Variants in NSUN3 observed in about 807,000 individuals in gnomAD.
The protein encoded by NSUN3 is tRNA (cytosine(34)-C(5))-methyltransferase, mitochondrial.
Under a neutral mutation model 36.8 loss-of-function variants are expected in NSUN3, and 24 were observed. The observed-to-expected ratio is 0.65, with a 90% CI of 0.47 to 0.92. The LOEUF (loss-of-function observed/expected upper bound fraction) is 0.92. Among genes scored for constraint, NSUN3 ranks in the 40% least tolerant of loss-of-function variants. The probability of loss-of-function intolerance (pLI) is 0.00; values close to 1 mark genes in which losing one functional copy is unlikely to be tolerated. For synonymous variants in NSUN3, 146 were observed against 145.2 expected, an observed-to-expected ratio of 1.01 and a Z score of -0.04; for missense variants, 381 against 392.8, an observed-to-expected ratio of 0.97 and a Z score of 0.25.
intron 2 of NSUN3, among the ~76,000 whole-genome samples, chr3:94,080,318 G>C (rs1233341343): frequency 6.6e-6 from 1 of 152,184 alleles, no homozygotes; most frequent in Non-Finnish European, 1.5e-5. Flanking sequence ...ATGTCAGCCA[G>C]AGCTCTCCTG....
intron 2 of NSUN3, among the ~76,000 whole-genome samples, chr3:94,072,379 A>C (rs2077227670): frequency 6.6e-6 from 1 of 152,148 alleles, no homozygotes; most frequent in African/African-American, 2.4e-5. Flanking sequence ...TAACCTCTAA[A>C]ATAGGAGTAA....
intron 5 of NSUN3, among the ~76,000 whole-genome samples, chr3:94,101,903 G>A (rs922566428): frequency 2.0e-5 from 3 of 152,060 alleles, no homozygotes; most frequent in Non-Finnish European, 4.4e-5. Context: ...AAGTTTACAT[G>A]ATTTTTAGGT....
intron 5 of NSUN3, among the ~76,000 whole-genome samples, chr3:94,102,564 C>T (rs1380505571): frequency 1.3e-5 from 2 of 152,130 alleles, no homozygotes; most frequent in Non-Finnish European, 2.9e-5. Flanking sequence ...TCTGTTCTTT[C>T]TCCTCTGTAT....
At chr3:94,119,391 C>T (rs1302721343) in intron 5 of NSUN3, among the ~76,000 whole-genome samples, 1 of 152,136 alleles carries the variant, frequency 6.6e-6, no homozygotes, top group African/African-American at 2.4e-5. Flanking sequence ...GAGGCCACAA[C>T]ATGGTCTGGT....
chr3:94,102,875 A>AATTTATTT (rs957099298), intron 5 of NSUN3, among the ~76,000 whole-genome samples: 1 of 151,560 alleles, frequency 6.6e-6, no homozygotes, highest in Non-Finnish European at 1.5e-5. Flanking sequence ...TACTTTTTAA[A>AATTTATTT]ATTTATTTAT....
At position 94,068,196 on chromosome 3, in the gene NSUN3, A is replaced by G. The variant is rs1576079585; in HGVS notation, c.122+3650A>G. 2.0e-5 allele frequency among the ~76,000 whole-genome samples: 3 copies of G among 152,192 alleles called. No individual in the cohort carries two copies. The South Asian group carries it at 6.2e-4, about 32-fold the overall frequency. On this transcript the variant is annotated intron_variant, in intron 2 of 5. Transcript: ENST00000314622. ...ATAATCATTTGGGAAGATAAAATGA[A>G]TTTGTGTATATACAATGTGAATGGA...
At chr3:94,123,211 C>G (rs2077471437) in intron 5 of NSUN3, among the ~76,000 whole-genome samples, 1 of 152,262 alleles carries the variant, frequency 6.6e-6, no homozygotes, top group Admixed American at 6.5e-5. Context: ...TCCAGGCCTC[C>G]CACGCAGCTC....
Position 94,095,115 on chromosome 3 carries a change from A to G in NSUN3, c.704A>G (p.Gln235Arg), listed in dbSNP as rs765813104. ...DSQKASCRIS[Q>R]RRNLPLLQIE... ...CAGAAGGCATCCTGTAGGATAAGTC[A>G]AAGGAGGAATTTGCCTCTTCTACAG... is the stretch of plus-strand genomic sequence containing the variant. Residue 235 changes from glutamine (Q) to arginine (R), a missense_variant, in exon 5 of 6, where the codon CAA (glutamine) becomes CGA (arginine). By Grantham distance (43) the Gln-to-Arg change is conservative. Coordinates refer to ENST00000314622, the MANE Select transcript of NSUN3 (RefSeq NM_022072.5). 6 of 1,613,964 alleles carry G rather than the reference A, an allele frequency of 3.7e-6. No homozygotes were observed. Among genetic ancestry groups the G allele is most frequent in the Non-Finnish European group, 5.1e-6 (6 of 1,179,878 alleles).
chr3:94,076,675 G>T, intron 2 of NSUN3: 6 of 1,154,556 alleles, frequency 5.2e-6, no homozygotes, highest in South Asian at 3.7e-5. Flanking sequence ...AGTCTGAGTT[G>T]CAGTCTCCAG....
rs116766991 is a variant in NSUN3 at position 94,123,561 on chromosome 3, C to G, written c.744-2650C>G. ...GTTCAAAAATTTAACAATGATGGAT[C>G]TAAGTGTGGGTGTTTTTTATTCATT... On this transcript the variant is annotated intron_variant, in intron 5 of 5. Transcript: ENST00000314622. 2.2e-3 allele frequency among the ~76,000 whole-genome samples: 336 copies of G among 152,226 alleles called. 1 individual carries two copies. Among genetic ancestry groups the G allele is most frequent in the African/African-American group, 7.4e-3 (308 of 41,538 alleles).
At position 94,107,506 on chromosome 3, in the gene NSUN3, C is replaced by G. The variant is rs144901756; in HGVS notation, c.743+12352C>G. ...CTCTCTATGTTACCCAGGCTGGTCT[C>G]AAACTCCTGTACTCAAGTAATCCTC... On this transcript the variant is annotated intron_variant, in intron 5 of 5. Transcript: ENST00000314622. Among the ~76,000 whole-genome samples, 31 of 152,152 alleles carry G rather than the reference C, an allele frequency of 2.0e-4. No individual in the cohort carries two copies. In the East Asian group the frequency reaches 4.8e-3, roughly 24 times the overall value.
intron 5 of NSUN3, among the ~76,000 whole-genome samples, chr3:94,119,217 T>G (rs1484441105): frequency 6.6e-6 from 1 of 152,232 alleles, no homozygotes; most frequent in African/African-American, 2.4e-5. Flanking sequence ...AAAATACATC[T>G]TTTAATTTTG....
chr3:94,114,901 A>G (rs967778106), intron 5 of NSUN3, among the ~76,000 whole-genome samples: 3 of 151,824 alleles, frequency 2.0e-5, no homozygotes, highest in Non-Finnish European at 4.4e-5. Flanking sequence ...ACTTAGGATA[A>G]TGGTTTCCAG....
chr3:94,095,036 T>A lies in NSUN3; in HGVS notation c.625T>A (p.Leu209Ile). ...DAQPEMFDKV[L>I]VDAPCSNDRS... ...CACTTGTCTTTTTTTTCTCTAGGTG[T>A]TAGTGGATGCTCCGTGTTCAAATGA... is the stretch of plus-strand genomic sequence containing the variant. The change falls in exon 5 of 6, where the codon TTA becomes ATA. Residue 209 changes from leucine to isoleucine, a missense_variant. Leu to Ile is a conservative substitution (Grantham distance 5, BLOSUM62 2). Transcript: ENST00000314622. 2 of 1,613,844 alleles carry A rather than the reference T, an allele frequency of 1.2e-6. No homozygotes were observed. Among genetic ancestry groups the A allele is most frequent in the South Asian group, 1.1e-5 (1 of 91,076 alleles).
chr3:94,093,502 C>G (rs934955965), intron 3 of NSUN3, among the ~76,000 whole-genome samples: 2 of 152,036 alleles, frequency 1.3e-5, no homozygotes, highest in Non-Finnish European at 2.9e-5. Flanking sequence ...AAAGATGACC[C>G]TGATTGGTAA....
At chr3:94,085,482 C>T (rs9881883) in intron 3 of NSUN3, 4,829 of 152,268 alleles carry the variant, frequency 0.032, 108 homozygotes, top group Middle Eastern at 0.051. Context: ...GTTGGCTGGG[C>T]GCGGTGGCTC....
chr3:94,064,493 T>C lies in NSUN3; in HGVS notation c.69T>C (p.Asp23=), dbSNP rs1331988572. 1 of 1,613,840 alleles carries C rather than the reference T, an allele frequency of 6.2e-7. No individual in the cohort carries two copies. The highest frequency in any genetic ancestry group is 8.5e-7 in the Non-Finnish European group (1 of 1,179,898). ...LAKQICKVVL[D]HFEKQYSKEL... ...AACAGATTTGCAAAGTTGTGTTGGA[T>C]CATTTTGAAAAACAGTATTCCAAAG... Residue 23 remains aspartate (D), a synonymous_variant, in exon 2 of 6, where the codon GAT becomes GAC. Coordinates refer to ENST00000314622, the MANE Select transcript of NSUN3 (RefSeq NM_022072.5).
intron 2 of NSUN3, among the ~76,000 whole-genome samples, chr3:94,075,551 C>G (rs1438905648): frequency 6.6e-6 from 1 of 152,154 alleles, no homozygotes; most frequent in Non-Finnish European, 1.5e-5. Context: ...TCATTTGGCT[C>G]TATTCCTTAC....
At chr3:94,075,309 A>G (rs2077241667) in intron 2 of NSUN3, among the ~76,000 whole-genome samples, 1 of 152,146 alleles carries the variant, frequency 6.6e-6, no homozygotes, top group South Asian at 2.1e-4. Context: ...AACAACATGA[A>G]AACAGCTCAA....
Sources: allele counts gnomAD v4.1 joint callset (sites outside exome capture counted in the v4.1 genomes callset), GRCh38; gene constraint gnomAD v4.1.1; transcripts MANE v1.5; gene names NCBI Gene and HGNC (gene_info 2026-07-23, HGNC 2026-07-21).